CES5A: variants seen among roughly 807,000 people sequenced by gnomAD.
CES5A encodes carboxylesterase 5.
In CES5A, 67 loss-of-function variants were observed where a neutral mutation model predicts 62.9. The ratio of observed to expected loss-of-function variants is 1.07; its 90% CI spans 0.88 to 1.31. The LOEUF (loss-of-function observed/expected upper bound fraction) is 1.31, where lower values mean the gene tolerates loss of function less well. CES5A is among the 50% of genes most tolerant of loss of function. The pLI is 0.00. For missense variants in CES5A, 748 were observed against 708.5 expected, an observed-to-expected ratio of 1.06 and a Z score of -0.63; for synonymous variants, 296 against 280.8, an observed-to-expected ratio of 1.05 and a Z score of -0.54.
At chr16:55,860,064 G>A (rs1371738862) in intron 7 of CES5A, among the ~76,000 whole-genome samples, 1 of 152,146 alleles carries the variant, frequency 6.6e-6, no homozygotes, top group Non-Finnish European at 1.5e-5. Context: ...ATTGAATCAT[G>A]GGGGCAGGTC....
chr16:55,861,603 C>T (rs1312220758), intron 6 of CES5A, 87 bp from the exon 7 acceptor site: 15 of 896,006 alleles, frequency 1.7e-5, no homozygotes, highest in East Asian at 1.5e-4. Context: ...CAATCAGCCA[C>T]AGGCTGGCCC....
At chr16:55,865,909 T>C in intron 5 of CES5A, 54 bp downstream of exon 5, 1 of 1,602,408 alleles carries the variant, frequency 6.2e-7, no homozygotes, top group Non-Finnish European at 8.5e-7. Context: ...CTCATCATCA[T>C]TTTTGGAACC....
At position 55,854,544 on chromosome 16, in the gene CES5A, C is replaced by CTTTTTTTTTTTTTTTTTTTTTTTTTTTT. The variant is rs56017491; in HGVS notation, c.1126-1517_1126-1516insAAAAAAAAAAAAAAAAAAAAAAAAAAAA. Reference sequence around the variant, plus strand: ...CCTGTAGTGTTTCTTTTTTTTTTTTCTTTTTTTTTTTTTGAGACAGAGTCT... The same window carrying CTTTTTTTTTTTTTTTTTTTTTTTTTTTT: ...CCTGTAGTGTTTCTTTTTTTTTTTTCTTTTTTTTTTTTTTTTTTTTTTTTTTTTTTTTTTTTTTTTTGAGACAGAGTCT... On this transcript the variant is annotated intron_variant, in intron 9 of 12. Coordinates refer to ENST00000290567, the MANE Select transcript of CES5A (RefSeq NM_001143685.2). 1.2e-3 allele frequency among the ~76,000 whole-genome samples: 79 copies of CTTTTTTTTTTTTTTTTTTTTTTTTTTTT among 64,390 alleles called. 5 individuals carry two copies. The highest frequency in any genetic ancestry group is 8.5e-3 in the Middle Eastern group (1 of 118). 42.2% of individuals were successfully genotyped at this position (64,390 alleles called of 152,430 possible).
rs148489838 is a variant in CES5A at position 55,886,803 on chromosome 16, T to C, written c.-255-12766A>G. Among the ~76,000 whole-genome samples the C allele has an allele frequency of 3.8e-3, 577 of 152,222 alleles. 4 individuals are homozygous for C. The highest frequency in any genetic ancestry group is 0.012 in the African/African-American group (499 of 41,558). ...CCTTCCCTGCTCACAGCATCCTTTG[T>C]CAACAATACCACCTGAGGGCTCTTG... On this transcript the variant is annotated intron_variant, in intron 1 of 12. Coordinates refer to the CES5A transcript ENST00000518005.
At chr16:55,942,936 T>G (rs6499808) in intron 2 of CES5A, among the ~76,000 whole-genome samples, 3 of 151,944 alleles carry the variant, frequency 2.0e-5, no homozygotes, top group Non-Finnish European at 4.4e-5. Context: ...CGATTTTGTC[T>G]ATGTCAAGTT....
At chr16:55,934,449 C>T (rs1371801093) in intron 2 of CES5A, among the ~76,000 whole-genome samples, 1 of 152,152 alleles carries the variant, frequency 6.6e-6, no homozygotes, top group South Asian at 2.1e-4. Context: ...AATATCAGTA[C>T]AATATTGATC....
intron 1 of CES5A, among the ~76,000 whole-genome samples, chr16:55,922,399 T>C (rs1219758817): frequency 6.6e-6 from 1 of 151,822 alleles, no homozygotes; most frequent in African/African-American, 2.4e-5. Flanking sequence ...TAGTTATACT[T>C]ATATGAGAAA....
At chr16:55,874,103 C>G in intron 1 of CES5A, 66 bp from the exon 2 acceptor site, 1 of 1,418,164 alleles carries the variant, frequency 7.1e-7, no homozygotes, top group East Asian at 2.5e-5. Context: ...CCCACCCAGT[C>G]TGGAGCTCCC....
At chr16:55,912,492 G>T (rs2034104309) in intron 1 of CES5A, among the ~76,000 whole-genome samples, 1 of 152,016 alleles carries the variant, frequency 6.6e-6, no homozygotes, top group Non-Finnish European at 1.5e-5. Flanking sequence ...GAAGGAGGAG[G>T]AGGACGAGGA....
chr16:55,914,322 TC>T (rs1304828781), intron 1 of CES5A, among the ~76,000 whole-genome samples: 1 of 152,150 alleles, frequency 6.6e-6, no homozygotes, highest in African/African-American at 2.4e-5. Flanking sequence ...TGTCACTTTC[TC>T]CCCTCTTCAA....
At chr16:55,905,398 G>A (rs4122235) in intron 1 of CES5A, among the ~76,000 whole-genome samples, 5,576 of 147,014 alleles carry the variant, frequency 0.038, 204 homozygotes, top group East Asian at 0.11. Context: ...ATGGAGTCTC[G>A]CTCTGTCACC....
chr16:55,924,456 T>C (rs1218849693), intron 1 of CES5A, among the ~76,000 whole-genome samples: 2 of 152,134 alleles, frequency 1.3e-5, no homozygotes, highest in East Asian at 3.9e-4. Flanking sequence ...TCCATGCTCA[T>C]GGATTTAAAA....
intron 1 of CES5A, among the ~76,000 whole-genome samples, chr16:55,885,944 G>A (rs1427191241): frequency 6.6e-6 from 1 of 152,218 alleles, no homozygotes; most frequent in Non-Finnish European, 1.5e-5. Flanking sequence ...AGTCTGGCTA[G>A]CACAAGAAAG....
chr16:55,939,378 C>T (rs1487600197), intron 2 of CES5A, among the ~76,000 whole-genome samples: 1 of 152,160 alleles, frequency 6.6e-6, no homozygotes, highest in Non-Finnish European at 1.5e-5. Context: ...GAAAAATCAA[C>T]TTTAAAACCT....
chr16:55,864,028 G>C (rs1471609653), intron 5 of CES5A, among the ~76,000 whole-genome samples: 1 of 152,114 alleles, frequency 6.6e-6, no homozygotes, highest in Non-Finnish European at 1.5e-5. Flanking sequence ...TGACAGGCGT[G>C]AGCCACCGCA....
rs1424768520 is a variant in CES5A, at chr16:55,950,613, TG to T, written c.43-712del. Reference sequence around the variant, plus strand: ...AAGTTAAGAAAAAATGAAAGAGAAATGGAAAATAATTCCAACAGCATGAAAA... The same window carrying T: ...AAGTTAAGAAAAAATGAAAGAGAAATGAAAATAATTCCAACAGCATGAAAA... On this transcript the variant is annotated intron_variant, in intron 1 of 13. Transcript: ENST00000521992. Among the ~76,000 whole-genome samples the T allele has an allele frequency of 2.7e-5, 4 of 147,814 alleles. No individual in the cohort carries two copies. In the East Asian group the frequency reaches 6.0e-4, roughly 22 times the overall value.
chr16:55,903,371 T>C (rs1392716374), intron 1 of CES5A, among the ~76,000 whole-genome samples: 2 of 152,138 alleles, frequency 1.3e-5, no homozygotes, highest in Non-Finnish European at 2.9e-5. Context: ...AACTAGTTAA[T>C]GAAGAAAAAA....
intron 2 of CES5A, among the ~76,000 whole-genome samples, chr16:55,936,420 C>A (rs941030511): frequency 6.6e-6 from 1 of 152,172 alleles, no homozygotes; most frequent in African/African-American, 2.4e-5. Flanking sequence ...TACTTCTCCT[C>A]CCACACCCTT....
chr16:55,892,855 A>G (rs760306299), intron 1 of CES5A, among the ~76,000 whole-genome samples: 4 of 152,198 alleles, frequency 2.6e-5, no homozygotes, highest in African/African-American at 4.8e-5. Context: ...AGTACAGATA[A>G]ATATATATGA....
Sources: gnomAD v4.1 joint callset for allele counts (sites outside exome capture counted in the v4.1 genomes callset) on GRCh38, gnomAD v4.1.1 for gene constraint, MANE v1.5 for transcripts, NCBI Gene and HGNC (gene_info 2026-07-23, HGNC 2026-07-21) for gene names.